The following TYW1B variants were observed in gnomAD, a reference collection of about 807,000 sequenced individuals.
TYW1B encodes tRNA-yW synthesizing protein 1 homolog B.
TYW1B carries 73 observed loss-of-function variants against 86.9 expected under a neutral mutation model. The observed-to-expected ratio is 0.84, with a 90% CI of 0.70 to 1.02. The LOEUF (loss-of-function observed/expected upper bound fraction) is 1.02. TYW1B is among the 50% of genes least tolerant of loss of function. TYW1B has a pLI of 0.00. For missense variants in TYW1B, 637 were observed against 827.4 expected, an observed-to-expected ratio of 0.77 and a Z score of 2.82; for synonymous variants, 248 against 292.8, an observed-to-expected ratio of 0.85 and a Z score of 1.56.
intron 5 of TYW1B, among the ~76,000 whole-genome samples, chr7:72,803,066 T>C (rs552454453): frequency 3.9e-5 from 6 of 152,144 alleles, no homozygotes; most frequent in East Asian, 3.9e-4. Flanking sequence ...CAAGACCACA[T>C]TGCTACAAAA....
chr7:72,725,733 A>C (rs1318328071), intron 9 of TYW1B, among the ~76,000 whole-genome samples: 13 of 152,130 alleles, frequency 8.5e-5, no homozygotes, highest in African/African-American at 3.1e-4. Flanking sequence ...AATGCCTTTG[A>C]ACTTGAACTC....
intron 7 of TYW1B, among the ~76,000 whole-genome samples, chr7:72,761,035 C>A (rs1243912407): frequency 6.6e-6 from 1 of 152,074 alleles, no homozygotes; most frequent in Non-Finnish European, 1.5e-5. Context: ...TATCTCAATT[C>A]TCATAAGAAA....
intron 11 of TYW1B, among the ~76,000 whole-genome samples, chr7:72,635,798 T>G (rs1554440673): frequency 1.3e-5 from 2 of 152,236 alleles, no homozygotes; most frequent in Non-Finnish European, 1.5e-5. Flanking sequence ...TATTTTAACT[T>G]AACATATCCT....
intron 8 of TYW1B, among the ~76,000 whole-genome samples, chr7:72,730,763 A>G (rs1343341776): frequency 2.6e-5 from 4 of 151,868 alleles, no homozygotes; most frequent in African/African-American, 9.7e-5. Flanking sequence ...ACACCATTAC[A>G]TGAACAAATG....
chr7:72,717,644 GACACACAC>G (rs71071905), intron 9 of TYW1B, among the ~76,000 whole-genome samples: 56 of 146,196 alleles, frequency 3.8e-4, no homozygotes, highest in South Asian at 1.1e-3. Flanking sequence ...AGCTGTGCTT[GACACACAC>G]ACACACACAC....
Position 72,824,116 on chromosome 7 carries a change from C to G in TYW1B, c.135+2739G>C, listed in dbSNP as rs564505385. Among the ~76,000 whole-genome samples the G allele has an allele frequency of 1.1e-4, 17 of 151,956 alleles. No individual in the cohort carries two copies. The East Asian group carries it at 2.7e-3, about 24-fold the overall frequency. On this transcript the variant is annotated intron_variant, in intron 2 of 13. Transcript: ENST00000620995. Reference sequence around the variant, plus strand: ...CTTAAGGTTTAACTTAACAACTGACCTTCGACTGTAAAATGAAGCAAAGTA... The same window carrying G: ...CTTAAGGTTTAACTTAACAACTGACGTTCGACTGTAAAATGAAGCAAAGTA...
chr7:72,753,802 A>G (rs1284928181), intron 7 of TYW1B, among the ~76,000 whole-genome samples: 2 of 152,140 alleles, frequency 1.3e-5, no homozygotes, highest in East Asian at 1.9e-4. Flanking sequence ...TTTTAGAAAT[A>G]AAGTATATTT....
chr7:72,723,510 T>C (rs1786942937), intron 9 of TYW1B, among the ~76,000 whole-genome samples: 1 of 152,158 alleles, frequency 6.6e-6, no homozygotes, highest in South Asian at 2.1e-4. Flanking sequence ...TTCACACCTA[T>C]AATCCCAACA....
chr7:72,616,553 G>T (rs1812076150), intron 13 of TYW1B, 119 bp downstream of exon 13: 1 of 1,484,536 alleles, frequency 6.7e-7, no homozygotes, highest in African/African-American at 1.4e-5. Context: ...TTTGTTTTGG[G>T]AAAGGTAGCA....
rs184217396 is a variant in TYW1B, at chr7:72,673,708, G to C, written c.1506+20979C>G. On this transcript the variant is annotated intron_variant, in intron 11 of 13. Coordinates refer to ENST00000620995, the MANE Select transcript of TYW1B (RefSeq NM_001145440.3). ...GATAGCACAACAGGTTGACTATATA[G>C]TCAAACTTAATTTAATTGTACATTT... is the stretch of plus-strand genomic sequence containing the variant. Among the ~76,000 whole-genome samples the C allele has an allele frequency of 7.2e-5, 11 of 152,120 alleles. 1 individual carries two copies. Among genetic ancestry groups the C allele is most frequent in the Non-Finnish European group, 1.5e-5 (1 of 68,030 alleles).
chr7:72,828,102 G>A lies in TYW1B; in HGVS notation c.-27C>T, dbSNP rs1486712742. ...CTCCTCAGAGCCGACAGGAGACTAG[G>A]ATCTCGGACCTGGAGAGCCCAAAGG... is the stretch of plus-strand genomic sequence containing the variant. On this transcript the variant is annotated 5_prime_UTR_variant, in exon 1 of 14. Transcript: ENST00000620995. 6.2e-6 allele frequency: 10 copies of A among 1,613,620 alleles called. No individual in the cohort carries two copies. The African/African-American group carries it at 1.1e-4, about 17-fold the overall frequency.
chr7:72,802,651 C>T (rs1554476028), intron 5 of TYW1B, 129 bp from the exon 6 acceptor site: 5 of 1,407,202 alleles, frequency 3.6e-6, no homozygotes, highest in African/African-American at 2.9e-5. Context: ...GACAGGGTCT[C>T]GCTCTGTCGC....
intron 11 of TYW1B, among the ~76,000 whole-genome samples, chr7:72,669,601 T>TA (rs879959692): frequency 6.4e-4 from 94 of 147,048 alleles, no homozygotes; most frequent in Non-Finnish European, 8.6e-4. Context: ...CCCTGCCTCT[T>TA]AAAAAAAAAA....
chr7:72,628,820 G>T (rs1441371482), intron 12 of TYW1B, 67 bp downstream of exon 12: 6 of 1,352,528 alleles, frequency 4.4e-6, no homozygotes, highest in Non-Finnish European at 1.0e-6. Context: ...TTAACTCCAC[G>T]ATGGCCAACG....
At chr7:72,686,810 G>A (rs1353379415) in intron 11 of TYW1B, among the ~76,000 whole-genome samples, 4 of 151,934 alleles carry the variant, frequency 2.6e-5, no homozygotes, top group African/African-American at 9.7e-5. Flanking sequence ...TGGAATAGGG[G>A]GGATATGGAA....
rs1483642064 is a variant in TYW1B at position 72,810,942 on chromosome 7, G to A, written c.238-277C>T. ...CAGACTATACATTCTCATCATTGCT[G>A]ATTTGCCACAGTGGAAACAAAATCC... On this transcript the variant is annotated intron_variant, in intron 3 of 13. Coordinates refer to ENST00000620995, the MANE Select transcript of TYW1B (RefSeq NM_001145440.3). Among the ~76,000 whole-genome samples the A allele has an allele frequency of 4.6e-5, 7 of 151,986 alleles. No homozygotes were observed. In the East Asian group the frequency reaches 9.7e-4, roughly 21 times the overall value.
chr7:72,653,824 G>C (rs1337530006), intron 11 of TYW1B, among the ~76,000 whole-genome samples: 6 of 152,104 alleles, frequency 3.9e-5, no homozygotes, highest in African/African-American at 7.2e-5. Context: ...GCTCACGCCT[G>C]TGATCCCAGC....
chr7:72,743,453 G>A (rs1308557409), intron 8 of TYW1B, among the ~76,000 whole-genome samples: 3 of 152,174 alleles, frequency 2.0e-5, no homozygotes, highest in African/African-American at 7.2e-5. Flanking sequence ...TAGTAAGGAA[G>A]TCATTAGTGA....
chr7:72,820,977 T>G, intron 2 of TYW1B, among the ~76,000 whole-genome samples: 1 of 152,142 alleles, frequency 6.6e-6, no homozygotes, highest in Non-Finnish European at 1.5e-5. Context: ...TAGATTTTTT[T>G]TGTTGTTGTT....
Sources: allele counts gnomAD v4.1 joint callset (sites outside exome capture counted in the v4.1 genomes callset), GRCh38; gene constraint gnomAD v4.1.1; transcripts MANE v1.5; gene names NCBI Gene and HGNC (gene_info 2026-07-23, HGNC 2026-07-21).